Variants in DPP10 observed in about 807,000 individuals in gnomAD.
DPP10 encodes dipeptidyl peptidase like 10.
A neutral mutation model predicts 120.9 loss-of-function variants in DPP10; 33 were observed. The ratio of observed to expected loss-of-function variants is 0.27; its 90% CI spans 0.21 to 0.37. The LOEUF (loss-of-function observed/expected upper bound fraction) is 0.37. Ranked by LOEUF, DPP10 falls within the 10% of genes least tolerant of loss-of-function variation. The probability of loss-of-function intolerance (pLI) is 1.00; values close to 1 mark genes in which losing one functional copy is unlikely to be tolerated. For synonymous variants in DPP10, 337 were observed against 326.1 expected, an observed-to-expected ratio of 1.03 and a Z score of -0.36; for missense variants, 816 against 942.8, an observed-to-expected ratio of 0.87 and a Z score of 1.76.
At chr2:114,934,399 A>G (rs1696306266) in intron 1 of DPP10, among the ~76,000 whole-genome samples, 3 of 152,180 alleles carry the variant, frequency 2.0e-5, no homozygotes, top group Non-Finnish European at 4.4e-5. Context: ...AGAAAATATT[A>G]CTAAGAAAAT....
At chr2:115,665,522 G>A (rs1400823308) in intron 5 of DPP10, among the ~76,000 whole-genome samples, 1 of 152,030 alleles carries the variant, frequency 6.6e-6, no homozygotes, top group African/African-American at 2.4e-5. Flanking sequence ...GAATCTTATT[G>A]CAACATACAG....
At chr2:115,295,849 T>C (rs2060861614) in intron 1 of DPP10, among the ~76,000 whole-genome samples, 1 of 152,088 alleles carries the variant, frequency 6.6e-6, no homozygotes, top group Non-Finnish European at 1.5e-5. Flanking sequence ...AAATAAAAAG[T>C]GATTATACCT....
intron 1 of DPP10, among the ~76,000 whole-genome samples, chr2:115,017,483 C>A (rs1322239622): frequency 1.3e-5 from 2 of 152,062 alleles, no homozygotes; most frequent in Non-Finnish European, 2.9e-5. Context: ...TACCATTTGA[C>A]CCAGCCATTC....
intron 3 of DPP10, among the ~76,000 whole-genome samples, chr2:115,433,072 G>A (rs190122679): frequency 1.3e-4 from 20 of 151,994 alleles, no homozygotes; most frequent in Non-Finnish European, 2.4e-4. Context: ...ATTGGAGACC[G>A]TATTTGCTCT....
intron 1 of DPP10, among the ~76,000 whole-genome samples, chr2:115,248,634 A>G (rs1226058978): frequency 6.6e-6 from 1 of 152,114 alleles, no homozygotes; most frequent in Non-Finnish European, 1.5e-5. Flanking sequence ...CTTTTCATTG[A>G]ATAAGGGAGG....
At chr2:115,702,487 T>C (rs2091931974) in intron 7 of DPP10, among the ~76,000 whole-genome samples, 1 of 152,026 alleles carries the variant, frequency 6.6e-6, no homozygotes, top group African/African-American at 2.4e-5. Flanking sequence ...ATTCAAACAA[T>C]GAAATTATTA....
At chr2:115,040,838 G>T (rs998453106) in intron 1 of DPP10, among the ~76,000 whole-genome samples, 3 of 152,188 alleles carry the variant, frequency 2.0e-5, no homozygotes, top group African/African-American at 4.8e-5. Context: ...TCCTGAGGCT[G>T]CCGGGTGTGG....
intron 1 of DPP10, among the ~76,000 whole-genome samples, chr2:114,750,523 C>T (rs561001289): frequency 7.2e-5 from 11 of 152,122 alleles, no homozygotes; most frequent in South Asian, 2.1e-4. Context: ...TTAGTAGAGA[C>T]GGGGTTTCAC....
intron 1 of DPP10, among the ~76,000 whole-genome samples, chr2:114,830,556 C>T (rs1390798584): frequency 6.6e-6 from 1 of 152,194 alleles, no homozygotes; most frequent in Admixed American, 6.5e-5. Flanking sequence ...GCCTTCTCCC[C>T]TCCCCGTTAC....
chr2:114,960,854 G>C (rs1698561425), intron 1 of DPP10, among the ~76,000 whole-genome samples: 1 of 151,912 alleles, frequency 6.6e-6, no homozygotes, highest in African/African-American at 2.4e-5. Flanking sequence ...TTCTATACAT[G>C]GTAGCTGACC....
At chr2:115,247,320 A>G (rs1359467026) in intron 1 of DPP10, among the ~76,000 whole-genome samples, 1 of 152,168 alleles carries the variant, frequency 6.6e-6, no homozygotes, top group Admixed American at 6.6e-5. Flanking sequence ...AAACTAGATC[A>G]TCCGTATACA....
At chr2:114,841,874 C>T (rs773986349) in intron 1 of DPP10, among the ~76,000 whole-genome samples, 2 of 152,058 alleles carry the variant, frequency 1.3e-5, no homozygotes, top group Non-Finnish European at 2.9e-5. Context: ...ACCCGGCACT[C>T]ATGCTGGGTC....
chr2:115,267,749 A>G (rs1461031333), intron 1 of DPP10, among the ~76,000 whole-genome samples: 1 of 152,164 alleles, frequency 6.6e-6, no homozygotes, highest in African/African-American at 2.4e-5. Flanking sequence ...TTCAAAATCC[A>G]TCTCAAATCA....
chr2:115,350,194 C>T (rs1377853181), intron 3 of DPP10, among the ~76,000 whole-genome samples: 5 of 151,892 alleles, frequency 3.3e-5, no homozygotes. Context: ...ATATTAGTGA[C>T]ATTGAAATAT....
rs564517672 is a variant in DPP10, at chr2:115,480,803, GA to G, written c.272-18700del. ...TCATGTTTTCTAAAAAATTGTATGC[GA>G]AAAAAATGGTGAAATAAAATGCTTA... On this transcript the variant is annotated intron_variant, in intron 3 of 25. Coordinates refer to ENST00000410059, the MANE Select transcript of DPP10 (RefSeq NM_020868.6). 2.0e-5 allele frequency among the ~76,000 whole-genome samples: 3 copies of G among 152,096 alleles called. No homozygotes were observed. In the South Asian group the frequency reaches 6.2e-4, roughly 32 times the overall value.
At chr2:114,704,675 AG>A (rs575819184) in intron 1 of DPP10, among the ~76,000 whole-genome samples, 55 of 152,304 alleles carry the variant, frequency 3.6e-4, no homozygotes, top group African/African-American at 1.2e-3. Context: ...AAGTGTGTAC[AG>A]GTGCATATGA....
chr2:115,700,839 C>T (rs1005687810), intron 7 of DPP10, among the ~76,000 whole-genome samples: 3 of 151,720 alleles, frequency 2.0e-5, no homozygotes, highest in African/African-American at 7.3e-5. Flanking sequence ...ATTTTATTTA[C>T]AATAGCATGA....
chr2:115,375,850 C>A (rs910289075), intron 3 of DPP10, among the ~76,000 whole-genome samples: 6 of 152,158 alleles, frequency 3.9e-5, no homozygotes, highest in African/African-American at 1.4e-4. Flanking sequence ...ATGATGAAAA[C>A]AACAAGAAGA....
chr2:114,444,497 T>C (rs1677830946), intron 1 of DPP10, among the ~76,000 whole-genome samples: 1 of 152,136 alleles, frequency 6.6e-6, no homozygotes, highest in Non-Finnish European at 1.5e-5. Context: ...TAAGCATAAA[T>C]GACTACTACT....
Sources: gnomAD v4.1 joint callset for allele counts (sites outside exome capture counted in the v4.1 genomes callset) on GRCh38, gnomAD v4.1.1 for gene constraint, MANE v1.5 for transcripts, NCBI Gene and HGNC (gene_info 2026-07-23, HGNC 2026-07-21) for gene names.